The following XKR6 variants were observed in gnomAD, a reference collection of about 807,000 sequenced individuals.
XKR6 encodes XK related 6.
XKR6 carries 22 observed loss-of-function variants against 56.7 expected under a neutral mutation model. That is an observed-to-expected ratio of 0.39 (90% CI 0.28 to 0.55). The LOEUF is 0.55. Among genes scored for constraint, XKR6 ranks in the 20% least tolerant of loss-of-function variants. XKR6 has a pLI of 0.66. For synonymous variants in XKR6, 524 were observed against 387.8 expected (o/e 1.35, Z -4.13); for missense variants, 852 against 889.0 (o/e 0.96, Z 0.53).
chr8:11,104,415 T>A (rs1366914235), intron 1 of XKR6, among the ~76,000 whole-genome samples: 4 of 152,240 alleles, frequency 2.6e-5, no homozygotes, highest in African/African-American at 9.6e-5. Flanking sequence ...GCACAGTGAT[T>A]GGCACTCAAT....
intron 1 of XKR6, among the ~76,000 whole-genome samples, chr8:11,000,512 C>A (rs778192176): frequency 6.6e-6 from 1 of 152,004 alleles, no homozygotes; most frequent in Non-Finnish European, 1.5e-5. Flanking sequence ...ATGGTGAAAC[C>A]CCCGTCTACT....
intron 1 of XKR6, among the ~76,000 whole-genome samples, chr8:10,965,839 C>T (rs1330400709): frequency 2.6e-5 from 4 of 152,248 alleles, no homozygotes; most frequent in African/African-American, 9.6e-5. Context: ...CATGATTCAT[C>T]TGGCCCGGGC....
intron 1 of XKR6, among the ~76,000 whole-genome samples, chr8:10,965,740 G>A (rs972486500): frequency 2.0e-5 from 3 of 152,222 alleles, no homozygotes; most frequent in African/African-American, 7.2e-5. Context: ...GGATTTGGCA[G>A]TTTAACTCTT....
intron 1 of XKR6, among the ~76,000 whole-genome samples, chr8:10,972,327 A>G (rs1196695196): frequency 1.3e-5 from 2 of 152,202 alleles, no homozygotes; most frequent in African/African-American, 4.8e-5. Flanking sequence ...ACCATCGGCA[A>G]TTACCAATTC....
At chr8:11,188,552 A>T (rs1803390960) in intron 1 of XKR6, among the ~76,000 whole-genome samples, 1 of 152,150 alleles carries the variant, frequency 6.6e-6, no homozygotes, top group Non-Finnish European at 1.5e-5. Flanking sequence ...GATTGCTTAA[A>T]CTTTGAACAC....
chr8:11,095,355 G>C (rs1362219749), intron 1 of XKR6, among the ~76,000 whole-genome samples: 2 of 152,166 alleles, frequency 1.3e-5, no homozygotes, highest in Non-Finnish European at 2.9e-5. Flanking sequence ...TATCTTCTAA[G>C]TTTTTTCTTT....
intron 1 of XKR6, among the ~76,000 whole-genome samples, chr8:11,114,727 A>ATGTGTGTGTGTGTG (rs58011023): frequency 2.6e-4 from 31 of 118,372 alleles, no homozygotes; most frequent in African/African-American, 5.1e-4. Flanking sequence ...TAGATCACAT[A>ATGTGTGTGTGTGTG]TGTGTGTGTG....
intron 2 of XKR6, among the ~76,000 whole-genome samples, chr8:10,903,811 C>A (rs1047221732): frequency 6.6e-6 from 1 of 152,164 alleles, no homozygotes; most frequent in Non-Finnish European, 1.5e-5. Flanking sequence ...GCAGCCTGAG[C>A]AGACGTACAC....
chr8:10,945,435 G>T (rs1277230931), intron 1 of XKR6, among the ~76,000 whole-genome samples: 1 of 152,146 alleles, frequency 6.6e-6, no homozygotes, highest in Non-Finnish European at 1.5e-5. Flanking sequence ...AATGAGCCGA[G>T]ATGGCGCCAC....
At chr8:10,974,174 G>T (rs1802487578) in intron 1 of XKR6, among the ~76,000 whole-genome samples, 1 of 152,238 alleles carries the variant, frequency 6.6e-6, no homozygotes, top group South Asian at 2.1e-4. Context: ...GTACTTGGCA[G>T]CTTGCTGGGC....
chr8:11,117,944 A>G (rs1289406650), intron 1 of XKR6, among the ~76,000 whole-genome samples: 1 of 152,190 alleles, frequency 6.6e-6, no homozygotes, highest in Non-Finnish European at 1.5e-5. Context: ...ACGCTAACAG[A>G]GTGACAGGGA....
At position 11,194,966 on chromosome 8, in the gene XKR6, T is replaced by G. The variant is rs1803792832; in HGVS notation, c.764+5610A>C. 7.4e-6 allele frequency: 4 copies of G among 539,204 alleles called. No homozygotes were observed. In the East Asian group the frequency reaches 1.2e-4, roughly 17 times the overall value. The allele number at this position is 539,204 out of a possible 1,614,324, so 33.4% of individuals were successfully genotyped here. On this transcript the variant is annotated intron_variant, in intron 1 of 2. Transcript: ENST00000416569. ...TTTTTCATCCCCTTCCCTTGAAAAT[T>G]TACCATAAATGTCAAGTTTTTAGGG...
chr8:10,933,168 T>C (rs1405930072), intron 1 of XKR6, among the ~76,000 whole-genome samples: 2 of 133,554 alleles, frequency 1.5e-5, no homozygotes, highest in African/African-American at 6.1e-5. Flanking sequence ...CATTTTTTCA[T>C]GTGTTTTTTG....
chr8:10,941,170 C>A (rs1278988350), intron 1 of XKR6, among the ~76,000 whole-genome samples: 1 of 152,188 alleles, frequency 6.6e-6, no homozygotes, highest in Non-Finnish European at 1.5e-5. Context: ...TACCCTCTCT[C>A]CTGTCCTTCC....
At chr8:11,120,689 T>G (rs966098703) in intron 1 of XKR6, among the ~76,000 whole-genome samples, 4 of 152,088 alleles carry the variant, frequency 2.6e-5, no homozygotes, top group African/African-American at 9.7e-5. Context: ...AAAACTACTT[T>G]AAAGCTCATA....
chr8:11,106,863 A>AAATAAAAAAAAAG (rs1554459706), intron 1 of XKR6, among the ~76,000 whole-genome samples: 4 of 109,922 alleles, frequency 3.6e-5, no homozygotes, highest in Non-Finnish European at 7.1e-5. Flanking sequence ...AAAAAAAAAA[A>AAATAAAAAAAAAG]AATAAAAAAG....
intron 1 of XKR6, among the ~76,000 whole-genome samples, chr8:10,935,858 GA>G (rs1352252586): frequency 3.1e-5 from 4 of 130,610 alleles, no homozygotes; most frequent in Non-Finnish European, 6.5e-5. Context: ...GTGTGGTGCT[GA>G]AAAAAATGTA....
chr8:11,121,774 T>G (rs1160782640), intron 1 of XKR6, among the ~76,000 whole-genome samples: 5 of 152,178 alleles, frequency 3.3e-5, no homozygotes, highest in African/African-American at 7.2e-5. Context: ...AGCAAAGACT[T>G]GGAACCAACC....
intron 1 of XKR6, among the ~76,000 whole-genome samples, chr8:11,005,921 G>C (rs1798358160): frequency 7.3e-6 from 1 of 137,032 alleles, no homozygotes; most frequent in Middle Eastern, 5.0e-3. Flanking sequence ...TCAGCTCACT[G>C]CACAGTCTGC....
Sources: allele counts gnomAD v4.1 joint callset (sites outside exome capture counted in the v4.1 genomes callset), GRCh38; gene constraint gnomAD v4.1.1; transcripts MANE v1.5; gene names NCBI Gene and HGNC (gene_info 2026-07-23, HGNC 2026-07-21).